HEATR4: variants seen among roughly 807,000 people sequenced by gnomAD.
HEATR4 encodes the protein HEAT repeat-containing protein 4.
HEATR4 carries 95 observed loss-of-function variants against 108.8 expected under a neutral mutation model. The ratio of observed to expected loss-of-function variants is 0.87; its 90% CI spans 0.74 to 1.04. The LOEUF is 1.04. Among genes scored for constraint, HEATR4 ranks in the 50% least tolerant of loss-of-function variants. The pLI is 0.00. For synonymous variants in HEATR4, 443 were observed against 459.4 expected (o/e 0.96, Z 0.46); for missense variants, 1,152 against 1,253.8 (o/e 0.92, Z 1.23).
intron 1 of HEATR4, among the ~76,000 whole-genome samples, chr14:73,548,005 T>C (rs190685642): frequency 8.1e-4 from 94 of 115,782 alleles, no homozygotes; most frequent in African/African-American, 2.6e-3. Flanking sequence ...TAGCTCATTG[T>C]AGCCTCAAAC....
At chr14:73,592,118 C>A in the HEATR4 span, 1 of 1,547,860 alleles carries the variant, frequency 6.5e-7, no homozygotes, top group Non-Finnish European at 8.7e-7. Flanking sequence ...CGCGCTACTG[C>A]GCCGACGCCC....
upstream of HEATR4, among the ~76,000 whole-genome samples, chr14:73,562,035 A>AT (rs1889537581): frequency 6.6e-6 from 1 of 152,066 alleles, no homozygotes; most frequent in Admixed American, 6.6e-5. Context: ...CTTGAAGACA[A>AT]TATGCTAAGC....
Position 73,492,591 on chromosome 14 carries a change from G to A in HEATR4, c.2844+475C>T, listed in dbSNP as rs1885847660. 1 of 1,613,784 alleles carries A rather than the reference G, an allele frequency of 6.2e-7. No individual in the cohort carries two copies. The highest frequency in any genetic ancestry group is 8.5e-7 in the Non-Finnish European group (1 of 1,179,866). On this transcript the variant is annotated intron_variant, in intron 17 of 17. Coordinates refer to ENST00000553558, the MANE Select transcript of HEATR4 (RefSeq NM_001220484.1). The surrounding 1 kb of genome is among the most constrained non-coding windows in gnomAD (Gnocchi z 4.9). Reference sequence around the variant, plus strand: ...AGGGAGAGGGCACTAAGTGTTTACGGGCTTCCAATTCGCTGGGAGGCTGGA... The same window carrying A: ...AGGGAGAGGGCACTAAGTGTTTACGAGCTTCCAATTCGCTGGGAGGCTGGA...
the HEATR4 span, among the ~76,000 whole-genome samples, chr14:73,620,590 G>A: frequency 6.8e-4 from 102 of 151,044 alleles, no homozygotes; most frequent in African/African-American, 2.1e-3. Context: ...TTTTTGAGAC[G>A]GAGTCTCGCT....
rs1408903063 is a variant in HEATR4 at position 73,550,728 on chromosome 14, A to G, written c.-152+8023T>C. ...TTCTTCCTTTGCAATAAATTACTCT[A>G]TGCTGCACTTCTTTGCTGTGTGTCT... On this transcript the variant is annotated intron_variant, in intron 1 of 17. Coordinates refer to ENST00000553558, the MANE Select transcript of HEATR4 (RefSeq NM_001220484.1). 2.6e-5 allele frequency among the ~76,000 whole-genome samples: 3 copies of G among 115,144 alleles called. 1 individual carries two copies. The highest frequency in any genetic ancestry group is 3.8e-5 in the Non-Finnish European group (2 of 52,840). The allele number at this position is 115,144 out of a possible 152,430, so 75.5% of individuals were successfully genotyped here. A position where few individuals can be genotyped will look rare whatever the true frequency, so the allele number is the denominator to read the frequency against.
At chr14:73,564,728 GT>G in the HEATR4 span, among the ~76,000 whole-genome samples, 6 of 37,174 alleles carry the variant, frequency 1.6e-4, no homozygotes, top group Admixed American at 1.4e-3. Context: ...TCTGTTTTTT[GT>G]TTTTTTTTTT....
intron 17 of HEATR4, 81 bp from the exon 18 acceptor site, chr14:73,478,923 G>C: frequency 9.6e-7 from 1 of 1,041,324 alleles, no homozygotes; most frequent in Non-Finnish European, 1.4e-6. Flanking sequence ...AGGCCTCTTT[G>C]GCTATAGGGT....
chr14:73,630,746 C>T, the HEATR4 span, among the ~76,000 whole-genome samples: 1 of 152,152 alleles, frequency 6.6e-6, no homozygotes, highest in Non-Finnish European at 1.5e-5. Flanking sequence ...TTATCACTGG[C>T]TTTAGGGAAA....
chr14:73,525,171 A>G (rs1010196227), intron 2 of HEATR4, among the ~76,000 whole-genome samples: 2 of 152,168 alleles, frequency 1.3e-5, no homozygotes, highest in African/African-American at 4.8e-5. Flanking sequence ...CTGGGACTAC[A>G]GGTGCATGCG....
At chr14:73,490,997 G>T (rs1302702038) in intron 17 of HEATR4, 3 of 1,361,788 alleles carry the variant, frequency 2.2e-6, no homozygotes, top group Non-Finnish European at 1.9e-6. Flanking sequence ...GCCGGGCGGG[G>T]AAGACTGGTG....
the HEATR4 span, chr14:73,580,686 T>G: frequency 3.9e-5 from 6 of 152,060 alleles, no homozygotes; most frequent in African/African-American, 1.4e-4. Context: ...AGATATCTGG[T>G]CCATATCCAG....
chr14:73,486,376 A>G (rs1252880180), intron 17 of HEATR4, among the ~76,000 whole-genome samples: 1 of 151,958 alleles, frequency 6.6e-6, no homozygotes, highest in African/African-American at 2.4e-5. Flanking sequence ...CCTTTCAACA[A>G]CTCATGCTAT....
rs1490230574 is a variant in HEATR4 at position 73,556,085 on chromosome 14, A to G, written c.-152+2666T>C. 1.3e-4 allele frequency among the ~76,000 whole-genome samples: 15 copies of G among 114,630 alleles called. 2 individuals are homozygous for G. Among genetic ancestry groups the G allele is most frequent in the African/African-American group, 4.2e-4 (15 of 35,468 alleles). The allele number at this position is 114,630 out of a possible 152,430, so 75.2% of individuals were successfully genotyped here. A position where few individuals can be genotyped will look rare whatever the true frequency, so the allele number is the denominator to read the frequency against. Reference sequence around the variant, plus strand: ...CATAAAGAATCTTTAGTTACAATGCAAACATCCCAGAAAGAATACCATATT... The same window carrying G: ...CATAAAGAATCTTTAGTTACAATGCGAACATCCCAGAAAGAATACCATATT... On this transcript the variant is annotated intron_variant, in intron 1 of 17. Coordinates refer to ENST00000553558, the MANE Select transcript of HEATR4 (RefSeq NM_001220484.1).
chr14:73,593,836 A>G, the HEATR4 span: 1 of 1,614,088 alleles, frequency 6.2e-7, no homozygotes, highest in Non-Finnish European at 8.5e-7. Context: ...AGATCTCCCC[A>G]ATAACATGGA....
the HEATR4 span, among the ~76,000 whole-genome samples, chr14:73,611,202 C>G: frequency 6.6e-6 from 1 of 152,198 alleles, no homozygotes; most frequent in Admixed American, 6.5e-5. Flanking sequence ...CTGGGCATCA[C>G]TATATGCTCT....
the HEATR4 span, among the ~76,000 whole-genome samples, chr14:73,593,336 C>CTTTTTTTT: frequency 5.2e-4 from 54 of 104,840 alleles, no homozygotes; most frequent in Non-Finnish European, 7.5e-4. Context: ...TTCTTTCTTT[C>CTTTTTTTT]TTTTTTTTTT....
At chr14:73,534,234 C>T (rs1383298669) in intron 1 of HEATR4, among the ~76,000 whole-genome samples, 2 of 111,524 alleles carry the variant, frequency 1.8e-5, no homozygotes, top group Non-Finnish European at 3.9e-5. Context: ...CAAAAATCAG[C>T]TGGCCGTGGT....
chr14:73,490,028 TGAG>T (rs1326203045), intron 17 of HEATR4, among the ~76,000 whole-genome samples: 1 of 152,198 alleles, frequency 6.6e-6, no homozygotes, highest in African/African-American at 2.4e-5. Context: ...TGTTTAGAAA[TGAG>T]GACATCCAAG....
rs1374152686 is a variant in HEATR4, at chr14:73,544,047, C to T, written c.-151-13803G>A. Among the ~76,000 whole-genome samples, 3 of 114,846 alleles carry T rather than the reference C, an allele frequency of 2.6e-5. 1 individual carries two copies. The highest frequency in any genetic ancestry group is 5.7e-5 in the Non-Finnish European group (3 of 52,702). The allele number at this position is 114,846 out of a possible 152,430, so 75.3% of individuals were successfully genotyped here. A position where few individuals can be genotyped will look rare whatever the true frequency, so the allele number is the denominator to read the frequency against. On this transcript the variant is annotated intron_variant, in intron 1 of 17. Transcript: ENST00000553558. ...GTGGCTCACACCTGTAATCCTAGCA[C>T]TTTGGGAGGCCAAGGTGCGCGGATT...
Sources: allele counts gnomAD v4.1 joint callset (sites outside exome capture counted in the v4.1 genomes callset), GRCh38; gene constraint gnomAD v4.1.1; non-coding constraint Gnocchi (gnomAD v3.1); transcripts MANE v1.5; gene names NCBI Gene and HGNC (gene_info 2026-07-23, HGNC 2026-07-21).